The following ADGRG1 variants were observed in gnomAD, a reference collection of about 807,000 sequenced individuals.
The protein encoded by ADGRG1 is 7-transmembrane protein with no EGF-like N-terminal domains-1.
ADGRG1 carries 53 observed loss-of-function variants against 73.5 expected under a neutral mutation model. The ratio of observed to expected loss-of-function variants is 0.72; its 90% confidence interval spans 0.58 to 0.91. ADGRG1 has a LOEUF of 0.91. Among genes scored for constraint, ADGRG1 ranks in the 40% least tolerant of loss-of-function variants. The probability of loss-of-function intolerance (pLI) is 0.00; values close to 1 mark genes in which losing one functional copy is unlikely to be tolerated. For missense variants in ADGRG1, 795 were observed against 871.8 expected, an observed-to-expected ratio of 0.91 and a Z score of 1.11; for synonymous variants, 394 against 374.4, an observed-to-expected ratio of 1.05 and a Z score of -0.60.
intron 10 of ADGRG1, 186 bp from the exon 11 acceptor site, chr16:57,659,227 A>T (rs578093358): frequency 8.1e-6 from 8 of 985,110 alleles, no homozygotes; most frequent in Non-Finnish European, 9.6e-6. Flanking sequence ...CTGGGCACAC[A>T]GTAGGTGCAC....
chr16:57,634,342 G>T (rs557474492), intron 1 of ADGRG1: 1 of 985,296 alleles, frequency 1.0e-6, no homozygotes, highest in Non-Finnish European at 1.2e-6. Context: ...GCTGGCAGGG[G>T]CCCCTGAGTC....
chr16:57,629,164 G>A, intron 1 of ADGRG1: 1 of 984,802 alleles, frequency 1.0e-6, no homozygotes, highest in African/African-American at 1.7e-5. Flanking sequence ...GTGAAATGGG[G>A]AAATGGGGGG....
chr16:57,657,063 C>T (rs1484883702), intron 9 of ADGRG1, among the ~76,000 whole-genome samples: 1 of 152,186 alleles, frequency 6.6e-6, no homozygotes, highest in Admixed American at 6.5e-5. Context: ...AATCTCATTC[C>T]CTCACAGGAA....
At chr16:57,652,913 T>A (rs1424163518) in intron 3 of ADGRG1, 4 of 1,279,670 alleles carry the variant, frequency 3.1e-6, no homozygotes, top group Non-Finnish European at 4.0e-6. Flanking sequence ...CCCTCTCTGC[T>A]CCGTGTGTGT....
At chr16:57,633,512 C>A in intron 1 of ADGRG1, 1 of 985,392 alleles carries the variant, frequency 1.0e-6, no homozygotes, top group Non-Finnish European at 1.2e-6. Flanking sequence ...GCCAGGCTGC[C>A]CCCTAGGAGA....
At chr16:57,625,869 C>T (rs959266727), upstream of ADGRG1, among the ~76,000 whole-genome samples, 8 of 152,230 alleles carry the variant, frequency 5.3e-5, no homozygotes, top group Non-Finnish European at 8.8e-5. Context: ...CCTACCTCTC[C>T]ACCTCAGCCA....
chr16:57,658,997 C>G (rs531383959), intron 10 of ADGRG1: 5 of 984,996 alleles, frequency 5.1e-6, no homozygotes, highest in Non-Finnish European at 6.0e-6. Flanking sequence ...TCAGACAGAC[C>G]GATGCGGGCA....
At chr16:57,622,799 C>G, upstream of ADGRG1, 1 of 985,378 alleles carries the variant, frequency 1.0e-6, no homozygotes, top group Non-Finnish European at 1.2e-6. Context: ...CCTTCTATCT[C>G]AGGCAGCGGG....
Position 57,649,864 on chromosome 16 carries a change from ACCT to A in ADGRG1, c.-35-385_-35-383del, listed in dbSNP as rs2043610307. ...GCAGTTATAGCTCACTGCAGCCTCGACCTCCTGGGCTCAAGTGATCCTTCCACC... is the reference window on the plus strand; with the variant it reads ...GCAGTTATAGCTCACTGCAGCCTCGACCTGGGCTCAAGTGATCCTTCCACC... On this transcript the variant is annotated intron_variant, in intron 1 of 13. Transcript: ENST00000562631. Among the ~76,000 whole-genome samples, 4 of 151,774 alleles carry A rather than the reference ACCT, an allele frequency of 2.6e-5. No homozygotes were observed. The South Asian group carries it at 8.4e-4, about 32-fold the overall frequency.
intron 13 of ADGRG1, among the ~76,000 whole-genome samples, chr16:57,662,374 A>G (rs1218524619): frequency 6.6e-6 from 1 of 151,726 alleles, no homozygotes; most frequent in African/African-American, 2.4e-5. Flanking sequence ...TGGATATGAG[A>G]CGTGTGAAGA....
Position 57,650,967 on chromosome 16 carries a change from CA to C in ADGRG1, c.65-230del, listed in dbSNP as rs201175243. 9.5e-3 allele frequency: 6,123 copies of C among 642,198 alleles called. 309 individuals carry two copies. In the East Asian group the frequency reaches 0.22, roughly 23 times the overall value. 39.8% of individuals were successfully genotyped at this position (642,198 alleles called of 1,614,324 possible). On this transcript the variant is annotated intron_variant, in intron 2 of 13. Coordinates refer to ENST00000562631, the MANE Select transcript of ADGRG1 (RefSeq NM_201525.4). ...TCGTGATCCGCCCGCCTCAGCCTCCCAAAGTGCTGGGATTACAGGCGTGAGC... is the reference window on the plus strand; with the variant it reads ...TCGTGATCCGCCCGCCTCAGCCTCCCAAGTGCTGGGATTACAGGCGTGAGC...
At position 57,637,786 on chromosome 16, in the gene ADGRG1, C is replaced by T. The variant is rs1389998251; in HGVS notation, c.-36+8984C>T. The T allele has an allele frequency of 5.0e-6, 4 of 796,664 alleles. No individual in the cohort carries two copies. The South Asian group carries it at 2.3e-4, about 45-fold the overall frequency. The allele number at this position is 796,664 out of a possible 1,614,324, so 49.3% of individuals were successfully genotyped here. On this transcript the variant is annotated intron_variant, in intron 1 of 13. Coordinates refer to ENST00000562631, the MANE Select transcript of ADGRG1 (RefSeq NM_201525.4). ...AGACACCATCCCCTCAGCCCCAAGC[C>T]CCTGCTGCCTTTCCCATGGCCTCTG...
chr16:57,650,252 G>C lies in ADGRG1; in HGVS notation c.-35-1G>C. 6.2e-7 allele frequency: 1 copy of C among 1,605,974 alleles called. No individual in the cohort carries two copies. Among genetic ancestry groups the C allele is most frequent in the Admixed American group, 1.7e-5 (1 of 60,002 alleles). On this transcript the variant is annotated splice_acceptor_variant, in intron 1 of 13. Transcript: ENST00000562631. LOFTEE classifies it low-confidence loss of function (5UTR_SPLICE). ...CAGCTAACACTCCTGGTCTCTTCCA[G>C]GTGGTGACTTCCAAGAGTGACTCCG...
intron 12 of ADGRG1, 129 bp downstream of exon 12, chr16:57,661,005 C>G: frequency 1.4e-6 from 1 of 727,060 alleles, no homozygotes; most frequent in East Asian, 2.7e-5. Context: ...ATTGGCCTGG[C>G]AGTGGCTGAA....
chr16:57,643,868 C>G (rs1298701303), intron 1 of ADGRG1: 24 of 978,384 alleles, frequency 2.5e-5, no homozygotes, highest in Non-Finnish European at 2.9e-5. Flanking sequence ...AGCTGTTATC[C>G]CAGGACCCAT....
At chr16:57,632,872 A>AC in intron 1 of ADGRG1, 1 of 985,368 alleles carries the variant, frequency 1.0e-6, no homozygotes, top group South Asian at 4.7e-5. Context: ...AGCCAGCCCA[A>AC]CCCTGGTGGC....
At chr16:57,644,994 AC>A in intron 1 of ADGRG1, 2 of 824,632 alleles carry the variant, frequency 2.4e-6, no homozygotes, top group Non-Finnish European at 1.5e-6. Context: ...ATGCACACAC[AC>A]ATGCACACTC....
chr16:57,651,050 T>C, intron 2 of ADGRG1, 150 bp from the exon 3 acceptor site: 2 of 1,555,264 alleles, frequency 1.3e-6, no homozygotes, highest in Non-Finnish European at 1.7e-6. Context: ...AAGTTTTGAG[T>C]GGGAAAGACT....
At chr16:57,656,066 C>T in intron 7 of ADGRG1, 74 bp downstream of exon 7, 1 of 1,613,546 alleles carries the variant, frequency 6.2e-7, no homozygotes, top group Non-Finnish European at 8.5e-7. Flanking sequence ...TCCCTCCAGA[C>T]TCATTTGTCT....
Sources: allele counts gnomAD v4.1 joint callset (sites outside exome capture counted in the v4.1 genomes callset), GRCh38; gene constraint gnomAD v4.1.1; transcripts MANE v1.5; gene names NCBI Gene and HGNC (gene_info 2026-07-23, HGNC 2026-07-21).